The following FBXO8 variants were observed in gnomAD, a reference collection of about 807,000 sequenced individuals.
FBXO8 encodes the protein F-box only protein 8.
A neutral mutation model predicts 33.4 loss-of-function variants in FBXO8; 15 were observed. That is an observed-to-expected ratio of 0.45 (90% CI 0.30 to 0.69). The LOEUF (loss-of-function observed/expected upper bound fraction) is 0.69. Among genes scored for constraint, FBXO8 ranks in the 30% least tolerant of loss-of-function variants. The pLI, the probability that FBXO8 is intolerant of heterozygous loss-of-function variation, is 0.08. For synonymous variants in FBXO8, 132 were observed against 131.5 expected (o/e 1.00, Z -0.02); for missense variants, 274 against 380.3 (o/e 0.72, Z 2.32).
In FBXO8 at chr4:174,278,062, A is replaced by C. The variant is rs1159336892; in HGVS notation, c.-9+5348T>G. On this transcript the variant is annotated intron_variant, in intron 1 of 5. Coordinates refer to ENST00000393674, the MANE Select transcript of FBXO8 (RefSeq NM_012180.3). The surrounding 1 kb of genome is among the most constrained non-coding windows in gnomAD (Gnocchi z 4.1). ...AGAATAGACCACCAAAGAAGTTTAG[A>C]ACAGACTGCGTAGAGAAATTTTTTA... Among the ~76,000 whole-genome samples, 4 of 152,090 alleles carry C rather than the reference A, an allele frequency of 2.6e-5. No individual in the cohort carries two copies. Among genetic ancestry groups the C allele is most frequent in the Admixed American group, 2.6e-4 (4 of 15,278 alleles).
chr4:174,250,956 G>A (rs978801710), intron 3 of FBXO8, among the ~76,000 whole-genome samples: 5 of 151,982 alleles, frequency 3.3e-5, no homozygotes, highest in African/African-American at 1.2e-4. Flanking sequence ...ATATTTGGGA[G>A]GTATCAAGAG....
rs942234310 is a variant in FBXO8 at position 174,274,321 on chromosome 4, T to C, written c.-9+9089A>G. ...ATAATAATTCTTATTCCATGGGACT[T>C]AGTAGGGATAACATTTATGGAACTT... On this transcript the variant is annotated intron_variant, in intron 1 of 5. Transcript: ENST00000393674. This position sits in a 1 kb window ranked among gnomAD's most constrained non-coding sequence, Gnocchi z 4.0. Among the ~76,000 whole-genome samples the C allele has an allele frequency of 2.6e-5, 4 of 152,208 alleles. No homozygotes were observed. The highest frequency in any genetic ancestry group is 9.6e-5 in the African/African-American group (4 of 41,456).
rs775253129 is a variant in FBXO8 at position 174,239,010 on chromosome 4, T to C, written c.756A>G (p.Glu252=). ...TATTCTTACCAGGACTAAGGCCAAG[T>C]TCTCGCATTAAATCAGGGTTGCAAG... The part of the protein sequence containing the change: ...FCACNPDLMR[E]LGLSPDAVYV... Residue 252 remains glutamate, a synonymous_variant, in exon 5 of 6, where the codon GAA becomes GAG. Coordinates refer to ENST00000393674, the MANE Select transcript of FBXO8 (RefSeq NM_012180.3). 8.3e-6 allele frequency: 13 copies of C among 1,565,366 alleles called. No individual in the cohort carries two copies. Among genetic ancestry groups the C allele is most frequent in the Non-Finnish European group, 1.1e-5 (13 of 1,154,272 alleles).
At position 174,274,248 on chromosome 4, in the gene FBXO8, T is replaced by A. The variant is rs1357071668; in HGVS notation, c.-9+9162A>T. On this transcript the variant is annotated intron_variant, in intron 1 of 5. Transcript: ENST00000393674. The surrounding 1 kb of genome is among the most constrained non-coding windows in gnomAD (Gnocchi z 4.0). ...CATCAAACCCCAACACGGAATCTGA[T>A]TAGCCTGTGATTTCTGATCCTCATT... Among the ~76,000 whole-genome samples, 1 of 152,214 alleles carries A rather than the reference T, an allele frequency of 6.6e-6. No homozygotes were observed. Among genetic ancestry groups the A allele is most frequent in the East Asian group, 1.9e-4 (1 of 5,196 alleles).
intron 4 of FBXO8, among the ~76,000 whole-genome samples, chr4:174,239,814 G>A (rs1295701193): frequency 2.6e-5 from 4 of 150,970 alleles, no homozygotes; most frequent in Non-Finnish European, 5.9e-5. Flanking sequence ...ATAAATATAT[G>A]TGTGTGTATA....
In FBXO8 at chr4:174,274,638, C is replaced by T. The variant is rs1736917327; in HGVS notation, c.-9+8772G>A. 6.6e-6 allele frequency among the ~76,000 whole-genome samples: 1 copy of T among 152,148 alleles called. No individual in the cohort carries two copies. Among genetic ancestry groups the T allele is most frequent in the Admixed American group, 6.5e-5 (1 of 15,280 alleles). On this transcript the variant is annotated intron_variant, in intron 1 of 5. Coordinates refer to ENST00000393674, the MANE Select transcript of FBXO8 (RefSeq NM_012180.3). This position sits in a 1 kb window ranked among gnomAD's most constrained non-coding sequence, Gnocchi z 4.0. ...GTACTAAAATAAGGAACTGACTCCACACAATAGGTTACATGAATAAACCCA... is the reference window on the plus strand; with the variant it reads ...GTACTAAAATAAGGAACTGACTCCATACAATAGGTTACATGAATAAACCCA...
In FBXO8 at chr4:174,275,289, C is replaced by T. The variant is rs1409539962; in HGVS notation, c.-9+8121G>A. ...GTGTTACAACTATTTACTATCTTGACTATGGTGCTGGATATGTGAACTTGC... is the reference window on the plus strand; with the variant it reads ...GTGTTACAACTATTTACTATCTTGATTATGGTGCTGGATATGTGAACTTGC... On this transcript the variant is annotated intron_variant, in intron 1 of 5. Coordinates refer to ENST00000393674, the MANE Select transcript of FBXO8 (RefSeq NM_012180.3). This position sits in a 1 kb window ranked among gnomAD's most constrained non-coding sequence, Gnocchi z 4.4. 6.6e-6 allele frequency among the ~76,000 whole-genome samples: 1 copy of T among 152,130 alleles called. No individual in the cohort carries two copies. Among genetic ancestry groups the T allele is most frequent in the African/African-American group, 2.4e-5 (1 of 41,422 alleles).
rs1195981696 is a variant in FBXO8 at position 174,259,149 on chromosome 4, T to C, written c.456+550A>G. On this transcript the variant is annotated intron_variant, in intron 3 of 5. Coordinates refer to ENST00000393674, the MANE Select transcript of FBXO8 (RefSeq NM_012180.3). This position sits in a 1 kb window ranked among gnomAD's most constrained non-coding sequence, Gnocchi z 4.3. ...ATTTTGATCATGCTTACATGTTATG[T>C]TAAGAAAGAATTAAATAATTAATAC... Among the ~76,000 whole-genome samples the C allele has an allele frequency of 6.6e-6, 1 of 151,852 alleles. No homozygotes were observed. Among genetic ancestry groups the C allele is most frequent in the Non-Finnish European group, 1.5e-5 (1 of 67,876 alleles).
rs926861389 is a variant in FBXO8, at chr4:174,247,500, A to G, written c.457-6282T>C. ...ACTGCATTTAATTTTCTTTTAAAAAAACATTTTGAAGACTTTAAAAATAGT... is the reference window on the plus strand; with the variant it reads ...ACTGCATTTAATTTTCTTTTAAAAAGACATTTTGAAGACTTTAAAAATAGT... On this transcript the variant is annotated intron_variant, in intron 3 of 5. Coordinates refer to ENST00000393674, the MANE Select transcript of FBXO8 (RefSeq NM_012180.3). This position sits in a 1 kb window ranked among gnomAD's most constrained non-coding sequence, Gnocchi z 4.6. 9.9e-5 allele frequency among the ~76,000 whole-genome samples: 15 copies of G among 152,094 alleles called. No individual in the cohort carries two copies. The highest frequency in any genetic ancestry group is 3.4e-4 in the African/African-American group (14 of 41,442).
intron 5 of FBXO8, among the ~76,000 whole-genome samples, chr4:174,238,060 T>G (rs1735929451): frequency 2.0e-5 from 3 of 152,048 alleles, no homozygotes; most frequent in Non-Finnish European, 4.4e-5. Context: ...TATTTTAATT[T>G]GAGAGCATCT....
rs530289234 is a variant in FBXO8 at position 174,247,814 on chromosome 4, G to C, written c.457-6596C>G. Among the ~76,000 whole-genome samples, 1 of 152,142 alleles carries C rather than the reference G, an allele frequency of 6.6e-6. No homozygotes were observed. Among genetic ancestry groups the C allele is most frequent in the South Asian group, 2.1e-4 (1 of 4,828 alleles). On this transcript the variant is annotated intron_variant, in intron 3 of 5. Transcript: ENST00000393674. The surrounding 1 kb of genome is among the most constrained non-coding windows in gnomAD (Gnocchi z 4.6). ...ATTGTTTTGTTTGCAAATAGCAGCA[G>C]CAATGGTTAAGATGACTGCTCTGAT... is the stretch of plus-strand genomic sequence containing the variant.
intron 1 of FBXO8, among the ~76,000 whole-genome samples, chr4:174,269,968 T>C (rs1165634190): frequency 6.6e-6 from 1 of 152,222 alleles, no homozygotes; most frequent in African/African-American, 2.4e-5. Flanking sequence ...AGAGCTATTA[T>C]ATACTGTTTT....
At chr4:174,248,446 G>A (rs1267783143) in intron 3 of FBXO8, among the ~76,000 whole-genome samples, 1 of 152,020 alleles carries the variant, frequency 6.6e-6, no homozygotes, top group Non-Finnish European at 1.5e-5. Context: ...AGAACTAAGA[G>A]GAAAGGGGGC....
At position 174,283,062 on chromosome 4, in the gene FBXO8, C is replaced by T. The variant is rs1405847582; in HGVS notation, c.-9+348G>A. On this transcript the variant is annotated intron_variant, in intron 1 of 5. Coordinates refer to ENST00000393674, the MANE Select transcript of FBXO8 (RefSeq NM_012180.3). The surrounding 1 kb of genome is among the most constrained non-coding windows in gnomAD (Gnocchi z 6.7). ...ACTGTCTAGGAACCAAAATAACACT[C>T]GACCCGAAAACCAACACTTGGACCT... Among the ~76,000 whole-genome samples the T allele has an allele frequency of 1.3e-5, 2 of 152,304 alleles. No individual in the cohort carries two copies. The highest frequency in any genetic ancestry group is 2.9e-5 in the Non-Finnish European group (2 of 68,008).
In FBXO8 at chr4:174,275,957, T is replaced by C. The variant is rs1430131022; in HGVS notation, c.-9+7453A>G. 6.6e-6 allele frequency among the ~76,000 whole-genome samples: 1 copy of C among 152,082 alleles called. No homozygotes were observed. Among genetic ancestry groups the C allele is most frequent in the Non-Finnish European group, 1.5e-5 (1 of 67,978 alleles). Reference sequence around the variant, plus strand: ...GATATTTGTGTAACTCTTAGTCTAATAAAAAAGACAATGTACATATAAAAT... The same window carrying C: ...GATATTTGTGTAACTCTTAGTCTAACAAAAAAGACAATGTACATATAAAAT... On this transcript the variant is annotated intron_variant, in intron 1 of 5. Coordinates refer to ENST00000393674, the MANE Select transcript of FBXO8 (RefSeq NM_012180.3). The surrounding 1 kb of genome is among the most constrained non-coding windows in gnomAD (Gnocchi z 4.4).
At position 174,241,190 on chromosome 4, in the gene FBXO8, AT is replaced by A; in HGVS notation, c.484del (p.Ile162SerfsTer9). 1 of 1,609,430 alleles carries A rather than the reference AT, an allele frequency of 6.2e-7. No homozygotes were observed. The highest frequency in any genetic ancestry group is 1.7e-5 in the Admixed American group (1 of 59,752). ...EGVNYFMSKGILDDSPKEIAK... is the reference protein window; with the variant it reads ...EGVNYFMSKGXLDDSPKEIAK... ...TATTTCCTTTGGCGAATCATCCAGG[AT>A]ACCCTTGGACATAAAGTAGTTCACT... On this transcript the variant is annotated frameshift_variant, in exon 4 of 6. Coordinates refer to ENST00000393674, the MANE Select transcript of FBXO8 (RefSeq NM_012180.3). LOFTEE classifies it high-confidence loss of function. The surrounding 1 kb of genome is among the most constrained non-coding windows in gnomAD (Gnocchi z 4.2).
chr4:174,280,460 T>C (rs534100613), intron 1 of FBXO8, among the ~76,000 whole-genome samples: 30 of 152,244 alleles, frequency 2.0e-4, no homozygotes, highest in Middle Eastern at 3.4e-3. Flanking sequence ...AGAATTACCA[T>C]GTGATCTAGC....
At chr4:174,239,259 C>G in intron 4 of FBXO8, 69 bp from the exon 5 acceptor site, 1 of 1,148,294 alleles carries the variant, frequency 8.7e-7, no homozygotes, top group Non-Finnish European at 1.2e-6. Context: ...AGAAAAATAA[C>G]AAATTTCCAT....
intron 2 of FBXO8, among the ~76,000 whole-genome samples, chr4:174,260,625 C>T (rs1418510856): frequency 6.6e-6 from 1 of 151,902 alleles, no homozygotes; most frequent in Admixed American, 6.6e-5. Context: ...GTTCATATCT[C>T]AAAACACACT....
Sources: allele counts gnomAD v4.1 joint callset (sites outside exome capture counted in the v4.1 genomes callset), GRCh38; gene constraint gnomAD v4.1.1; non-coding constraint Gnocchi (gnomAD v3.1); transcripts MANE v1.5; gene names NCBI Gene and HGNC (gene_info 2026-07-23, HGNC 2026-07-21).